Variants in FXR1 observed in about 807,000 individuals in gnomAD.
FXR1 encodes FMR1 autosomal homolog 1, also known as RNA-binding protein FXR1.
FXR1 carries 15 observed loss-of-function variants against 84.0 expected under a neutral mutation model. That is an observed-to-expected ratio of 0.18 (90% confidence interval 0.12 to 0.27). The LOEUF is 0.27. Among genes scored for constraint, FXR1 ranks in the 10% least tolerant of loss-of-function variants. The pLI is 1.00. For missense variants in FXR1, 480 were observed against 774.4 expected, an observed-to-expected ratio of 0.62 and a Z score of 4.51; for synonymous variants, 245 against 250.7, an observed-to-expected ratio of 0.98 and a Z score of 0.21.
At chr3:180,938,477 A>G (rs1335699611) in intron 3 of FXR1, among the ~76,000 whole-genome samples, 1 of 152,132 alleles carries the variant, frequency 6.6e-6, no homozygotes, top group Non-Finnish European at 1.5e-5. Flanking sequence ...TGTTCTGTGA[A>G]TTGTCTATTT....
At chr3:180,934,191 A>G (rs1163350729) in intron 2 of FXR1, among the ~76,000 whole-genome samples, 1 of 152,198 alleles carries the variant, frequency 6.6e-6, no homozygotes, top group East Asian at 1.9e-4. Context: ...AATTGCCTGA[A>G]AAGATCTTTG....
chr3:180,968,823 C>G (rs1316272308), intron 14 of FXR1, among the ~76,000 whole-genome samples: 1 of 152,080 alleles, frequency 6.6e-6, no homozygotes, highest in Non-Finnish European at 1.5e-5. Context: ...TTACTTCTGT[C>G]TTCTAAAATT....
intron 13 of FXR1, among the ~76,000 whole-genome samples, chr3:180,967,805 G>T (rs1479385143): frequency 6.6e-6 from 1 of 151,828 alleles, no homozygotes; most frequent in African/African-American, 2.4e-5. Context: ...AGAAGTGAGC[G>T]GCCTTCTGCA....
chr3:180,952,498 A>G (rs1475455580), intron 8 of FXR1, among the ~76,000 whole-genome samples: 7 of 151,986 alleles, frequency 4.6e-5, no homozygotes, highest in African/African-American at 1.7e-4. Context: ...GAGAGGCTGC[A>G]GTGAGCTATG....
chr3:180,935,185 C>A lies in FXR1; in HGVS notation c.152C>A (p.Pro51Gln). The change falls in exon 3 of 17, where the codon CCA becomes CAA. Residue 51 changes from proline (P) to glutamine (Q), a missense_variant. Physicochemically the swap from Pro to Gln is moderately conservative, Grantham distance 76. Around this residue, in one of 6 missense-constraint regions of FXR1, gnomAD observed 54 missense variants for 74.2 expected, o/e 0.73. Coordinates refer to ENST00000357559, the MANE Select transcript of FXR1 (RefSeq NM_005087.4). Reference protein sequence around the residue: ...QVPFNEVRLPPPPDIKKEISE... With the variant: ...QVPFNEVRLPQPPDIKKEISE... ...CCATTTAATGAAGTTAGATTACCAC[C>A]ACCACCTGATATAAAAAAAGAAATT... 2 of 1,583,212 alleles carry A rather than the reference C, an allele frequency of 1.3e-6. No homozygotes were observed. The highest frequency in any genetic ancestry group is 1.7e-6 in the Non-Finnish European group (2 of 1,152,252).
In FXR1 at chr3:180,980,090, GGCCTA is replaced by G. The variant is rs1164628492; in HGVS notation, c.*3800_*3804del. On this transcript the variant is annotated 3_prime_UTR_variant, in exon 17 of 17. Transcript: ENST00000357559. Reference sequence around the variant, plus strand: ...CAATTTTATCCAACCAGAGAGGGCTGGCCTAGTTGGTATCTTTAAGGCCCTTCCAG... The same window carrying G: ...CAATTTTATCCAACCAGAGAGGGCTGGTTGGTATCTTTAAGGCCCTTCCAG... The G allele has an allele frequency of 6.6e-6, 1 of 151,982 alleles. No homozygotes were observed. The highest frequency in any genetic ancestry group is 1.5e-5 in the Non-Finnish European group (1 of 67,930). The allele number at this position is 151,982 out of a possible 1,614,324, so 9.4% of individuals were successfully genotyped here.
chr3:180,964,910 A>G (rs1712623179), intron 13 of FXR1, among the ~76,000 whole-genome samples: 3 of 151,942 alleles, frequency 2.0e-5, no homozygotes, highest in South Asian at 2.1e-4. Context: ...GCTTAGCACA[A>G]CCAACCATTG....
intron 15 of FXR1, among the ~76,000 whole-genome samples, chr3:180,973,333 A>AG (rs5854884): frequency 0.23 from 35,267 of 152,132 alleles, 4,197 homozygotes; most frequent in African/African-American, 0.28. Context: ...GAAAGGTTCT[A>AG]GAATTGTTTC....
intron 10 of FXR1, 145 bp downstream of exon 10, chr3:180,958,073 T>G (rs1198004664): frequency 8.8e-6 from 4 of 452,560 alleles, no homozygotes; most frequent in African/African-American, 8.2e-5. Context: ...TTTCATACAC[T>G]TAGAAAACAA....
intron 2 of FXR1, among the ~76,000 whole-genome samples, chr3:180,933,990 T>G (rs1559985253): frequency 6.6e-6 from 1 of 152,058 alleles, no homozygotes; most frequent in Non-Finnish European, 1.5e-5. Flanking sequence ...GGGGGGCGCC[T>G]GTAATTCCAG....
chr3:180,974,160 C>CT (rs200685504), intron 15 of FXR1, among the ~76,000 whole-genome samples: 132,837 of 143,360 alleles, frequency 0.93, 61,968 homozygotes, highest in South Asian at 0.98. Flanking sequence ...AGTTTCAATT[C>CT]TTTTTTTTTT....
intron 15 of FXR1, 57 bp downstream of exon 15, chr3:180,970,415 T>C: frequency 3.4e-6 from 1 of 290,400 alleles, no homozygotes; most frequent in Non-Finnish European, 6.3e-6. Context: ...TATATATATA[T>C]ATATATAATT....
In FXR1 at chr3:180,979,500, C is replaced by T. The variant is rs374633367; in HGVS notation, c.*3208C>T. On this transcript the variant is annotated 3_prime_UTR_variant, in exon 17 of 17. Coordinates refer to ENST00000357559, the MANE Select transcript of FXR1 (RefSeq NM_005087.4). ...TTTGCTACACGATTTGGATCCCTTA[C>T]GCTTTTTCGTTAAGAATATCTGTCT... The T allele has an allele frequency of 7.2e-5, 11 of 152,012 alleles. No homozygotes were observed. The highest frequency in any genetic ancestry group is 1.9e-4 in the East Asian group (1 of 5,184). The allele number at this position is 152,012 out of a possible 1,614,324, so 9.4% of individuals were successfully genotyped here. A position where few individuals can be genotyped will look rare whatever the true frequency, so the allele number is the denominator to read the frequency against.
At chr3:180,943,013 C>T (rs1359820839) in intron 3 of FXR1, among the ~76,000 whole-genome samples, 2 of 152,116 alleles carry the variant, frequency 1.3e-5, no homozygotes, top group Admixed American at 1.3e-4. Context: ...GTCGACCAGG[C>T]TGGAGTGCAG....
Position 180,957,831 on chromosome 3 carries a change from GA to G in FXR1, c.899del (p.Asn300MetfsTer8). The G allele has an allele frequency of 5.2e-6, 8 of 1,537,276 alleles. No individual in the cohort carries two copies. Among genetic ancestry groups the G allele is most frequent in the Middle Eastern group, 1.8e-4 (1 of 5,688 alleles). On this transcript the variant is annotated frameshift_variant, in exon 10 of 17. Transcript: ENST00000357559. LOFTEE classifies it high-confidence loss of function. ...VPRNLVGKVI[G>X]KNGKVIQEIV... is the part of the protein sequence containing the mutation. The stretch of plus-strand genomic sequence containing the variant: ...TCTCTTACTAAAGGAAAAGTAATTG[GA>G]AAAAATGGCAAAGTTATTCAAGAAA...
At position 180,975,341 on chromosome 3, in the gene FXR1, T is replaced by C. The variant is rs766881678; in HGVS notation, c.1632T>C (p.Ala544=). The C allele has an allele frequency of 2.6e-6, 4 of 1,526,260 alleles. No individual in the cohort carries two copies. Among genetic ancestry groups the C allele is most frequent in the Admixed American group, 1.8e-5 (1 of 54,678 alleles). The allele number at this position is 1,526,260 out of a possible 1,614,324, so 94.5% of individuals were successfully genotyped here. Residue 544 remains alanine, a synonymous_variant, in exon 16 of 17, where the codon GCT becomes GCC. Transcript: ENST00000357559. ...LVTVADYISR[A]ESQSRQRNLP... ...CAGTTGCAGATTATATTTCTAGAGC[T>C]GAGTCTCAGAGCAGACAAAGAAACC...
At chr3:180,937,110 C>T (rs1720609226) in intron 3 of FXR1, among the ~76,000 whole-genome samples, 2 of 152,200 alleles carry the variant, frequency 1.3e-5, no homozygotes, top group Middle Eastern at 3.4e-3. Flanking sequence ...TAATAGTTTT[C>T]TGTGAGAATA....
At chr3:180,947,791 T>A (rs1721849438) in intron 3 of FXR1, 74 bp from the exon 4 acceptor site, 2 of 639,248 alleles carry the variant, frequency 3.1e-6, no homozygotes, top group Non-Finnish European at 5.4e-6. Context: ...TGGGATTGGG[T>A]ATTAATAAAA....
At chr3:180,934,249 T>G (rs1720279287) in intron 2 of FXR1, among the ~76,000 whole-genome samples, 1 of 152,216 alleles carries the variant, frequency 6.6e-6, no homozygotes, top group South Asian at 2.1e-4. Context: ...GATTTCTATC[T>G]TTGAGCAGCT....
Sources: allele counts gnomAD v4.1 joint callset (sites outside exome capture counted in the v4.1 genomes callset), GRCh38; gene constraint gnomAD v4.1.1; regional missense constraint gnomAD v4.1.1; transcripts MANE v1.5; gene names NCBI Gene and HGNC (gene_info 2026-07-23, HGNC 2026-07-21).